NLRP2: variants seen among roughly 807,000 people sequenced by gnomAD.
NLRP2 encodes the protein NLR family pyrin domain containing 2.
NLRP2 carries 107 observed loss-of-function variants against 97.2 expected under a neutral mutation model. The observed-to-expected ratio is 1.10, with a 90% CI of 0.94 to 1.29. The LOEUF (loss-of-function observed/expected upper bound fraction) is 1.29, where lower values mean the gene tolerates loss of function less well. NLRP2 is among the 50% of genes most tolerant of loss of function. NLRP2 has a pLI of 0.00. For missense variants in NLRP2, 1,495 were observed against 1,330.3 expected (o/e 1.12, Z -1.93); for synonymous variants, 663 against 551.5 (o/e 1.20, Z -2.83).
At chr19:54,984,329 G>GTGTTTTTTTTTTTTTTTTT in intron 6 of NLRP2, among the ~76,000 whole-genome samples, 13 of 79,670 alleles carry the variant, frequency 1.6e-4, no homozygotes, top group African/African-American at 5.1e-4. Flanking sequence ...TTTTTTTTGT[G>GTGTTTTTTTTTTTTTTTTT]TTTTTTTTTT....
chr19:54,977,838 C>T lies in NLRP2; in HGVS notation c.397+15C>T, dbSNP rs562922815. 5 of 1,612,762 alleles carry T rather than the reference C, an allele frequency of 3.1e-6. No homozygotes were observed. Among genetic ancestry groups the T allele is most frequent in the Non-Finnish European group, 3.4e-6 (4 of 1,179,408 alleles). On this transcript the variant is annotated intron_variant, in intron 4 of 12. Transcript: ENST00000448584. ...AGAAGCACAAGGTGGGTGTCAGGAC[C>T]TCCAATGTTGGAGTCAGCTGAGGAA...
chr19:54,991,534 T>C (rs1036154858), intron 10 of NLRP2: 9 of 147,504 alleles, frequency 6.1e-5, no homozygotes, highest in Admixed American at 4.8e-4. Context: ...GTCTGGCCAA[T>C]AGAGCAAGAC....
intron 8 of NLRP2, among the ~76,000 whole-genome samples, chr19:54,987,496 G>C (rs1433198026): frequency 6.6e-6 from 1 of 152,082 alleles, no homozygotes; most frequent in African/African-American, 2.4e-5. Flanking sequence ...AGTGGCTCAC[G>C]CCTGGGAGGC....
chr19:54,985,983 CAG>C (rs1036694792), intron 7 of NLRP2, among the ~76,000 whole-genome samples, 166 bp from the exon 8 acceptor site: 1 of 151,634 alleles, frequency 6.6e-6, no homozygotes, highest in Non-Finnish European at 1.5e-5. Context: ...GCCTGGGCAA[CAG>C]AGTGAGACTC....
intron 8 of NLRP2, among the ~76,000 whole-genome samples, chr19:54,988,133 C>G (rs992685889): frequency 6.6e-6 from 1 of 152,094 alleles, no homozygotes; most frequent in African/African-American, 2.4e-5. Flanking sequence ...TGCTGTACAT[C>G]TTACAGGTAT....
rs1176561272 is a variant in NLRP2, at chr19:54,976,804, TTC to T, written c.326-940_326-939del. 6.7e-4 allele frequency: 241 copies of T among 360,998 alleles called. 13 individuals are homozygous for T. Among genetic ancestry groups the T allele is most frequent in the East Asian group, 1.8e-3 (21 of 11,564 alleles). 22.4% of individuals were successfully genotyped at this position (360,998 alleles called of 1,614,324 possible). A position where few individuals can be genotyped will look rare whatever the true frequency, so the allele number is the denominator to read the frequency against. On this transcript the variant is annotated intron_variant, in intron 3 of 12. Coordinates refer to ENST00000448584, the MANE Select transcript of NLRP2 (RefSeq NM_017852.5). The stretch of plus-strand genomic sequence containing the variant: ...ATATTGTTATTAGGATTCCACCTTG[TTC>T]TCTCTCTTTTTTTTTTTTTTTTTGA...
chr19:54,988,379 G>A (rs538257926), intron 8 of NLRP2, among the ~76,000 whole-genome samples: 4 of 152,150 alleles, frequency 2.6e-5, no homozygotes, highest in African/African-American at 7.2e-5. Flanking sequence ...TGCAACCTCT[G>A]CCTCCCGGGT....
intron 10 of NLRP2, chr19:54,994,003 A>T (rs2072655036): frequency 1.8e-6 from 1 of 559,380 alleles, no homozygotes; most frequent in East Asian, 3.1e-5. Flanking sequence ...TGATTGCTGG[A>T]CCTACCCAAA....
chr19:54,984,751 AG>A (rs1180730241), intron 6 of NLRP2, among the ~76,000 whole-genome samples: 1 of 151,902 alleles, frequency 6.6e-6, no homozygotes, highest in Non-Finnish European at 1.5e-5. Context: ...ACAAAGTGCT[AG>A]GATTATAGGC....
Position 54,983,748 on chromosome 19 carries a change from A to T in NLRP2, c.2030+20A>T. Reference sequence around the variant, plus strand: ...TGAGAGGTGAGAACCGTTTCACTCTACCAGTCGTTCCATCTTTAGCCTCAT... The same window carrying T: ...TGAGAGGTGAGAACCGTTTCACTCTTCCAGTCGTTCCATCTTTAGCCTCAT... On this transcript the variant is annotated intron_variant, in intron 6 of 12. Transcript: ENST00000448584. The T allele has an allele frequency of 6.2e-7, 1 of 1,605,220 alleles. No individual in the cohort carries two copies. Among genetic ancestry groups the T allele is most frequent in the African/African-American group, 1.3e-5 (1 of 74,966 alleles).
chr19:54,998,619 T>C lies in NLRP2; in HGVS notation c.3050+1132T>C, dbSNP rs1484413897. 1.2e-3 allele frequency among the ~76,000 whole-genome samples: 149 copies of C among 127,854 alleles called. 3 individuals are homozygous for C. Among genetic ancestry groups the C allele is most frequent in the Middle Eastern group, 8.4e-3 (2 of 238 alleles). The allele number at this position is 127,854 out of a possible 152,430, so 83.9% of individuals were successfully genotyped here. A position where few individuals can be genotyped will look rare whatever the true frequency, so the allele number is the denominator to read the frequency against. ...TGGGGTGCATCTTTTTTCTTTTTTT[T>C]TTTTTTTTTTCCTTTTTTTTTTTTT... On this transcript the variant is annotated intron_variant, in intron 12 of 12. Coordinates refer to ENST00000448584, the MANE Select transcript of NLRP2 (RefSeq NM_017852.5).
Position 54,997,463 on chromosome 19 carries a change from C to A in NLRP2, c.3026C>A (p.Ser1009Tyr). The change falls in exon 12 of 13, where the codon TCC becomes TAC. Residue 1009 changes from serine (S) to tyrosine (Y), a missense_variant. Ser to Tyr is a moderately radical substitution (Grantham distance 144, BLOSUM62 -2). Coordinates refer to ENST00000448584, the MANE Select transcript of NLRP2 (RefSeq NM_017852.5). Reference protein sequence around the residue: ...VKMLFETLTCSSGTLRTLRLK... With the variant: ...VKMLFETLTCYSGTLRTLRLK... Reference sequence around the variant, plus strand: ...ATGCTGTTTGAAACCTTGACATGTTCCAGTGGCACCCTCCGGACACTCAGG... The same window carrying A: ...ATGCTGTTTGAAACCTTGACATGTTACAGTGGCACCCTCCGGACACTCAGG... 6.2e-7 allele frequency: 1 copy of A among 1,614,166 alleles called. No homozygotes were observed. The highest frequency in any genetic ancestry group is 1.3e-5 in the African/African-American group (1 of 75,042).
intron 8 of NLRP2, among the ~76,000 whole-genome samples, chr19:54,987,797 C>G (rs2072196673): frequency 6.6e-6 from 1 of 150,830 alleles, no homozygotes; most frequent in Non-Finnish European, 1.5e-5. Context: ...AATCCCAGCA[C>G]TTTGGGAGGC....
intron 2 of NLRP2, among the ~76,000 whole-genome samples, chr19:54,971,806 A>AGTT (rs2070870282): frequency 6.6e-6 from 1 of 152,062 alleles, no homozygotes; most frequent in Non-Finnish European, 1.5e-5. Flanking sequence ...AAATAACAAT[A>AGTT]CAATAAAATG....
chr19:54,999,191 A>T lies in NLRP2; in HGVS notation c.3051-1569A>T, dbSNP rs545705405. Among the ~76,000 whole-genome samples the T allele has an allele frequency of 2.6e-3, 398 of 151,768 alleles. 3 individuals carry two copies. Among genetic ancestry groups the T allele is most frequent in the African/African-American group, 9.3e-3 (382 of 41,288 alleles). On this transcript the variant is annotated intron_variant, in intron 12 of 12. Transcript: ENST00000448584. ...GGCCAGAGTTTTACTCTTGTTGTCC[A>T]GCCTGGAGCGCAATGGCGCTATCTC...
intron 12 of NLRP2, 92 bp from the exon 13 acceptor site, chr19:55,000,668 G>C (rs1160618869): frequency 6.1e-6 from 8 of 1,312,580 alleles, no homozygotes; most frequent in Non-Finnish European, 8.8e-6. Context: ...CCCATGCCCT[G>C]TGCCTCCTTA....
Position 54,990,079 on chromosome 19 carries a change from A to C in NLRP2, c.2424A>C (p.Glu808Asp), listed in dbSNP as rs61735087. Residue 808 changes from glutamate to aspartate, a missense_variant, in exon 9 of 13, where the codon GAA (glutamate) becomes GAC (aspartate). Glu to Asp is a conservative substitution (Grantham distance 45). Coordinates refer to ENST00000448584, the MANE Select transcript of NLRP2 (RefSeq NM_017852.5). ...QQWADLSLAL[E>D]VNQSLTCVNL... The stretch of plus-strand genomic sequence containing the variant: ...GGGCTGATCTCTCCTTGGCCCTTGA[A>C]GTCAACCAGTCCCTGACGTGCGTAA... 1.2e-6 allele frequency: 2 copies of C among 1,613,922 alleles called. No individual in the cohort carries two copies. Among genetic ancestry groups the C allele is most frequent in the African/African-American group, 2.7e-5 (2 of 74,868 alleles).
Position 54,981,623 on chromosome 19 carries a change from C to T in NLRP2, c.404C>T (p.Thr135Ile). ...ERFKTEAQAF[T>I]ETKGNVICLG... ...ATGAGTTTGTATTTTGTAGCGTTTA[C>T]AGAAACGAAAGGAAATGTCATCTGC... The change falls in exon 5 of 13, where the codon ACA (threonine) becomes ATA (isoleucine). Residue 135 changes from threonine to isoleucine, a missense_variant. Thr to Ile is a moderately conservative substitution (Grantham distance 89). Transcript: ENST00000448584. 6.5e-7 allele frequency: 1 copy of T among 1,534,436 alleles called. No homozygotes were observed. The highest frequency in any genetic ancestry group is 8.9e-7 in the Non-Finnish European group (1 of 1,125,140).
chr19:54,985,694 AAAAAG>A (rs1308750528), intron 7 of NLRP2, among the ~76,000 whole-genome samples: 20 of 135,684 alleles, frequency 1.5e-4, no homozygotes, highest in African/African-American at 6.3e-4. Flanking sequence ...AAAAAAAAAA[AAAAAG>A]AAAAAGAAAA....
Sources: allele counts gnomAD v4.1 joint callset (sites outside exome capture counted in the v4.1 genomes callset), GRCh38; gene constraint gnomAD v4.1.1; transcripts MANE v1.5; gene names NCBI Gene and HGNC (gene_info 2026-07-23, HGNC 2026-07-21).